The following NRXN1 variants were observed in gnomAD, a reference collection of about 807,000 sequenced individuals.
NRXN1 encodes neurexin-1.
A neutral mutation model predicts 150.9 loss-of-function variants in NRXN1; 39 were observed. The observed-to-expected ratio is 0.26, with a 90% CI of 0.20 to 0.34. The LOEUF is 0.34. NRXN1 is among the 10% of genes least tolerant of loss of function. The pLI, the probability that NRXN1 is intolerant of heterozygous loss-of-function variation, is 1.00. For missense variants in NRXN1, 1,815 were observed against 1,949.9 expected (o/e 0.93, Z 1.30); for synonymous variants, 924 against 757.0 (o/e 1.22, Z -3.62).
chr2:50,004,684 G>A (rs905517528), intron 21 of NRXN1, among the ~76,000 whole-genome samples: 3 of 152,092 alleles, frequency 2.0e-5, no homozygotes, highest in Admixed American at 6.6e-5. Context: ...AAGGTAGGCC[G>A]AATTAATACA....
chr2:50,046,846 T>C (rs539846672), intron 21 of NRXN1, among the ~76,000 whole-genome samples: 4 of 152,268 alleles, frequency 2.6e-5, no homozygotes, highest in East Asian at 3.9e-4. Context: ...CATCTGATCA[T>C]GTTAGGTGTC....
intron 5 of NRXN1, among the ~76,000 whole-genome samples, chr2:50,906,902 C>A (rs1250024766): frequency 6.6e-6 from 1 of 151,962 alleles, no homozygotes; most frequent in Non-Finnish European, 1.5e-5. Context: ...CCCTGGCATG[C>A]TGAGTACTTG....
intron 8 of NRXN1, chr2:50,619,641 C>A: frequency 2.9e-6 from 1 of 349,048 alleles, no homozygotes; most frequent in Non-Finnish European, 5.1e-6. Context: ...CTTCTTTTTT[C>A]TTTTAATACT....
intron 2 of NRXN1, among the ~76,000 whole-genome samples, chr2:50,968,577 C>T (rs1694498422): frequency 6.6e-6 from 1 of 152,062 alleles, no homozygotes; most frequent in Non-Finnish European, 1.5e-5. Flanking sequence ...GTTTCTGAAA[C>T]TAAATCACTC....
At chr2:50,130,409 G>T (rs1705303142) in intron 18 of NRXN1, among the ~76,000 whole-genome samples, 1 of 152,056 alleles carries the variant, frequency 6.6e-6, no homozygotes, top group Non-Finnish European at 1.5e-5. Flanking sequence ...ATAAAAAACA[G>T]AACCCCCATC....
intron 8 of NRXN1, among the ~76,000 whole-genome samples, chr2:50,568,215 T>C (rs1436413853): frequency 6.6e-6 from 1 of 152,094 alleles, no homozygotes; most frequent in Non-Finnish European, 1.5e-5. Flanking sequence ...TAAGAAACTC[T>C]CCAGGACACT....
intron 21 of NRXN1, among the ~76,000 whole-genome samples, chr2:49,948,936 A>C (rs1200604029): frequency 1.3e-5 from 2 of 151,976 alleles, no homozygotes; most frequent in Non-Finnish European, 2.9e-5. Context: ...TGAAATTGCT[A>C]TGCTGATCTT....
chr2:50,797,739 A>C (rs1245785753), intron 5 of NRXN1, among the ~76,000 whole-genome samples: 1 of 152,210 alleles, frequency 6.6e-6, no homozygotes, highest in African/African-American at 2.4e-5. Flanking sequence ...TGTCAGATAC[A>C]GAGCAAGCAC....
chr2:50,945,621 C>T (rs1374072410), intron 2 of NRXN1, among the ~76,000 whole-genome samples: 1 of 151,542 alleles, frequency 6.6e-6, no homozygotes, highest in African/African-American at 2.4e-5. Flanking sequence ...AACCCTGAGC[C>T]ATAGTTTGCT....
At chr2:50,862,304 TATC>T (rs1178721414) in intron 5 of NRXN1, among the ~76,000 whole-genome samples, 1 of 151,926 alleles carries the variant, frequency 6.6e-6, no homozygotes, top group African/African-American at 2.4e-5. Context: ...TATTCAGTGG[TATC>T]ATAAATTTAT....
At chr2:51,003,785 A>C (rs1700357599) in intron 2 of NRXN1, among the ~76,000 whole-genome samples, 1 of 152,012 alleles carries the variant, frequency 6.6e-6, no homozygotes, top group Non-Finnish European at 1.5e-5. Flanking sequence ...GACTAATTGC[A>C]TTTTAAACTG....
rs115668118 is a variant in NRXN1, at chr2:50,771,749, T to C, written c.833-148134A>G. Among the ~76,000 whole-genome samples the C allele has an allele frequency of 2.4e-3, 366 of 152,238 alleles. 1 individual carries two copies. The highest frequency in any genetic ancestry group is 8.2e-3 in the African/African-American group (342 of 41,556). On this transcript the variant is annotated intron_variant, in intron 5 of 22. Coordinates refer to ENST00000401669, the MANE Select transcript of NRXN1 (RefSeq NM_001330078.2). ...GTTTCCAGGAATATTCATGAAGTGC[T>C]ACTGGTGAAATAGATAGCATTTGTG...
At chr2:50,874,676 G>T (rs780170914) in intron 5 of NRXN1, among the ~76,000 whole-genome samples, 1 of 151,444 alleles carries the variant, frequency 6.6e-6, no homozygotes, top group Non-Finnish European at 1.5e-5. Flanking sequence ...CTTCCAACAG[G>T]AGAATTCTTA....
At chr2:50,725,888 A>C (rs1313947841) in intron 5 of NRXN1, among the ~76,000 whole-genome samples, 1 of 152,158 alleles carries the variant, frequency 6.6e-6, no homozygotes, top group African/African-American at 2.4e-5. Context: ...CTTTGAATTA[A>C]TCATGTTTGC....
chr2:51,023,671 G>C (rs1339866088), intron 2 of NRXN1, among the ~76,000 whole-genome samples: 1 of 152,180 alleles, frequency 6.6e-6, no homozygotes, highest in African/African-American at 2.4e-5. Context: ...TGAGGTCTAT[G>C]AAAGTAATAA....
chr2:50,384,281 C>A (rs536717722), intron 17 of NRXN1, among the ~76,000 whole-genome samples: 1 of 152,004 alleles, frequency 6.6e-6, no homozygotes, highest in Admixed American at 6.5e-5. Flanking sequence ...CTGAGGCAGG[C>A]GGATCACGAG....
At chr2:50,297,045 G>A (rs531337977) in intron 17 of NRXN1, among the ~76,000 whole-genome samples, 2 of 141,566 alleles carry the variant, frequency 1.4e-5, no homozygotes, top group East Asian at 2.1e-4. Flanking sequence ...ACCACACCCA[G>A]CTAATTATTT....
intron 17 of NRXN1, among the ~76,000 whole-genome samples, chr2:50,450,880 AAAAGTTACTTTCACTAGC>A (rs1315927762): frequency 6.6e-6 from 1 of 152,222 alleles, no homozygotes; most frequent in Admixed American, 6.5e-5. Flanking sequence ...TAACCTCATG[AAAAGTTACTTTCACTAGC>A]AAATATCTTT....
chr2:50,799,065 T>C (rs1209718122), intron 5 of NRXN1, among the ~76,000 whole-genome samples: 2 of 152,346 alleles, frequency 1.3e-5, no homozygotes, highest in East Asian at 3.9e-4. Flanking sequence ...TGGTATAAGC[T>C]GTCTATCTAT....
Sources: gnomAD v4.1 joint callset for allele counts (sites outside exome capture counted in the v4.1 genomes callset) on GRCh38, gnomAD v4.1.1 for gene constraint, MANE v1.5 for transcripts, NCBI Gene and HGNC (gene_info 2026-07-23, HGNC 2026-07-21) for gene names.